SULT4A1: variants seen among roughly 807,000 people sequenced by gnomAD.
The protein encoded by SULT4A1 is sulfotransferase family 4A member 1, also known as sulfotransferase 4A1.
Under a neutral mutation model 35.2 loss-of-function variants are expected in SULT4A1, and 11 were observed. The ratio of observed to expected loss-of-function variants is 0.31; its 90% CI spans 0.20 to 0.52. The LOEUF is 0.52. SULT4A1 is among the 20% of genes least tolerant of loss of function. SULT4A1 has a pLI of 0.97. For missense variants in SULT4A1, 271 were observed against 383.7 expected (o/e 0.71, Z 2.45); for synonymous variants, 152 against 151.8 (o/e 1.00, Z -0.01).
chr22:43,851,324 C>T (rs978233254), intron 1 of SULT4A1, among the ~76,000 whole-genome samples: 8 of 152,144 alleles, frequency 5.3e-5, no homozygotes, highest in Non-Finnish European at 1.0e-4. Flanking sequence ...TGGTGTTATT[C>T]TGGGTTTTTA....
intron 1 of SULT4A1, among the ~76,000 whole-genome samples, chr22:43,854,048 C>A (rs2049374378): frequency 6.6e-6 from 1 of 152,200 alleles, no homozygotes; most frequent in Admixed American, 6.5e-5. Flanking sequence ...CCAGTTTGCC[C>A]TCATGTAGCA....
rs2148272904 is a variant in SULT4A1, at chr22:43,824,969, G to C, written c.*1032C>G. On this transcript the variant is annotated 3_prime_UTR_variant, in exon 7 of 7. Coordinates refer to ENST00000330884, the MANE Select transcript of SULT4A1 (RefSeq NM_014351.4). Reference sequence around the variant, plus strand: ...CTTTACTCCCTCAGATACACGGAGGGATGAGGTGGACAGACACGCAGGCGG... The same window carrying C: ...CTTTACTCCCTCAGATACACGGAGGCATGAGGTGGACAGACACGCAGGCGG... 2 of 152,346 alleles carry C rather than the reference G, an allele frequency of 1.3e-5. No homozygotes were observed. The highest frequency in any genetic ancestry group is 4.1e-4 in the South Asian group (2 of 4,824). 9.4% of individuals were successfully genotyped at this position (152,346 alleles called of 1,614,324 possible). A position where few individuals can be genotyped will look rare whatever the true frequency, so the allele number is the denominator to read the frequency against.
Position 43,824,654 on chromosome 22 carries a change from T to G in SULT4A1, c.*1347A>C, listed in dbSNP as rs1207960610. On this transcript the variant is annotated 3_prime_UTR_variant, in exon 7 of 7. Coordinates refer to ENST00000330884, the MANE Select transcript of SULT4A1 (RefSeq NM_014351.4). ...CTCCCTCACAGAAACACAGGCAAGG[T>G]GCTGCCGAGCCCACCATGCGATGCC... is the stretch of plus-strand genomic sequence containing the variant. The G allele has an allele frequency of 6.6e-6, 1 of 152,200 alleles. No individual in the cohort carries two copies. Among genetic ancestry groups the G allele is most frequent in the Non-Finnish European group, 1.5e-5 (1 of 68,028 alleles). 9.4% of individuals were successfully genotyped at this position (152,200 alleles called of 1,614,324 possible).
chr22:43,862,183 G>A (rs771856339), intron 1 of SULT4A1, 31 bp downstream of exon 1: 22 of 1,463,722 alleles, frequency 1.5e-5, no homozygotes, highest in Non-Finnish European at 1.9e-5. Context: ...CTGGGGCATG[G>A]CGTGGCGGGC....
At chr22:43,851,650 G>A (rs2049343037) in intron 1 of SULT4A1, among the ~76,000 whole-genome samples, 1 of 152,186 alleles carries the variant, frequency 6.6e-6, no homozygotes, top group South Asian at 2.1e-4. Context: ...CAGGCATCCT[G>A]AGAGCTGAGG....
At chr22:43,855,488 G>C (rs553869541) in intron 1 of SULT4A1, among the ~76,000 whole-genome samples, 29 of 152,108 alleles carry the variant, frequency 1.9e-4, no homozygotes, top group Non-Finnish European at 3.2e-4. Flanking sequence ...TGAAGCCCAA[G>C]CCAGGGCCTC....
chr22:43,827,655 A>T, intron 6 of SULT4A1: 1 of 1,366,058 alleles, frequency 7.3e-7, no homozygotes, highest in Non-Finnish European at 9.8e-7. Context: ...AAGAAAACAA[A>T]TCAAAGAACT....
intron 1 of SULT4A1, among the ~76,000 whole-genome samples, chr22:43,857,684 T>C (rs1372565555): frequency 1.3e-5 from 2 of 151,874 alleles, no homozygotes; most frequent in East Asian, 1.9e-4. Flanking sequence ...AGAGAAAACA[T>C]TGAAGGCAGC....
chr22:43,827,589 G>A (rs2063296585), intron 6 of SULT4A1: 1 of 1,366,366 alleles, frequency 7.3e-7, no homozygotes, highest in Non-Finnish European at 9.8e-7. Flanking sequence ...TGGCTACTCG[G>A]CCCTGCATTC....
At chr22:43,854,726 G>T (rs2049382928) in intron 1 of SULT4A1, among the ~76,000 whole-genome samples, 1 of 152,194 alleles carries the variant, frequency 6.6e-6, no homozygotes, top group Non-Finnish European at 1.5e-5. Context: ...ACACGCCAAA[G>T]AAGGCTCCTG....
Position 43,845,399 on chromosome 22 carries a change from G to A in SULT4A1, c.170-3467C>T, listed in dbSNP as rs566366124. ...CAAGGCTGTCTCCTCCGCAGCATCC[G>A]CAGCCCGTCTCAGCAAGCAGCCCCT... On this transcript the variant is annotated intron_variant, in intron 1 of 6. Coordinates refer to ENST00000330884, the MANE Select transcript of SULT4A1 (RefSeq NM_014351.4). 1.4e-4 allele frequency among the ~76,000 whole-genome samples: 22 copies of A among 152,308 alleles called. No individual in the cohort carries two copies. The East Asian group carries it at 3.1e-3, about 21-fold the overall frequency.
rs138058 is a variant in SULT4A1 at position 43,825,685 on chromosome 22, C to CAATA, written c.*312_*315dup. On this transcript the variant is annotated 3_prime_UTR_variant, in exon 7 of 7. Coordinates refer to ENST00000330884, the MANE Select transcript of SULT4A1 (RefSeq NM_014351.4). ...TTCCAGTGAAAAGCTCTATAAAATA[C>CAATA]AATAATACGGGGTTGAAAAGGCAGA... 161,751 of 190,344 alleles carry CAATA rather than the reference C, an allele frequency of 0.85. 69,159 individuals carry two copies. Among genetic ancestry groups the CAATA allele is most frequent in the East Asian group, 0.99 (7,241 of 7,292 alleles). 11.8% of individuals were successfully genotyped at this position (190,344 alleles called of 1,614,324 possible).
chr22:43,828,797 CTGA>C, intron 6 of SULT4A1: 1 of 428,942 alleles, frequency 2.3e-6, no homozygotes, highest in Non-Finnish European at 4.1e-6. Flanking sequence ...CCCACAAAGC[CTGA>C]AATGCACTTT....
chr22:43,843,221 C>T (rs2063448170), intron 1 of SULT4A1, among the ~76,000 whole-genome samples: 2 of 152,086 alleles, frequency 1.3e-5, no homozygotes, highest in Admixed American at 1.3e-4. Context: ...TCGAGACCAG[C>T]CTGCGCAATA....
intron 6 of SULT4A1, chr22:43,827,781 A>ACACACACACG (rs1429699226): frequency 1.2e-5 from 5 of 427,364 alleles, no homozygotes; most frequent in African/African-American, 1.0e-4. Flanking sequence ...ACACACACAC[A>ACACACACACG]CGTGAACCAA....
intron 1 of SULT4A1, among the ~76,000 whole-genome samples, chr22:43,845,119 TC>T (rs2063465188): frequency 3.3e-5 from 5 of 152,244 alleles, no homozygotes; most frequent in Admixed American, 3.3e-4. Flanking sequence ...TTGTCTGACC[TC>T]CCAGAAGAAA....
At chr22:43,855,937 C>A (rs2049396555) in intron 1 of SULT4A1, among the ~76,000 whole-genome samples, 1 of 152,218 alleles carries the variant, frequency 6.6e-6, no homozygotes, top group African/African-American at 2.4e-5. Context: ...CCAGCCCATG[C>A]AGGTGGCGAG....
intron 2 of SULT4A1, 51 bp from the exon 3 acceptor site, chr22:43,840,076 G>C: frequency 6.9e-7 from 1 of 1,452,508 alleles, no homozygotes; most frequent in South Asian, 1.2e-5. Flanking sequence ...TGAGACCAAG[G>C]GGAGGAGTGG....
intron 1 of SULT4A1, among the ~76,000 whole-genome samples, chr22:43,861,092 C>T (rs1235274645): frequency 1.3e-5 from 2 of 152,190 alleles, no homozygotes; most frequent in African/African-American, 4.8e-5. Context: ...CCACCCCATG[C>T]GGCGACTGGC....
Sources: gnomAD v4.1 joint callset for allele counts (sites outside exome capture counted in the v4.1 genomes callset) on GRCh38, gnomAD v4.1.1 for gene constraint, MANE v1.5 for transcripts, NCBI Gene and HGNC (gene_info 2026-07-23, HGNC 2026-07-21) for gene names.